Variants in SLCO1B1 observed in about 807,000 individuals in gnomAD.
SLCO1B1 encodes the protein solute carrier organic anion transporter family member 1B1, also known as OATP-2.
In SLCO1B1, 81 loss-of-function variants were observed where a neutral mutation model predicts 70.1. The ratio of observed to expected loss-of-function variants is 1.16; its 90% CI spans 0.97 to 1.39. The LOEUF (loss-of-function observed/expected upper bound fraction) is 1.39, where lower values mean the gene tolerates loss of function less well. Among genes scored for constraint, SLCO1B1 ranks in the 40% most tolerant of loss-of-function variants. The pLI is 0.00. For synonymous variants in SLCO1B1, 283 were observed against 271.5 expected, an observed-to-expected ratio of 1.04 and a Z score of -0.42; for missense variants, 895 against 799.6, an observed-to-expected ratio of 1.12 and a Z score of -1.44.
intron 7 of SLCO1B1, among the ~76,000 whole-genome samples, chr12:21,180,799 G>A (rs1261612140): frequency 6.6e-6 from 1 of 152,122 alleles, no homozygotes; most frequent in Non-Finnish European, 1.5e-5. Flanking sequence ...ATCACGAAGA[G>A]TACAGAAATA....
intron 1 of SLCO1B1, among the ~76,000 whole-genome samples, chr12:21,139,928 G>A (rs1940283819): frequency 7.2e-6 from 1 of 138,058 alleles, no homozygotes; most frequent in Admixed American, 7.8e-5. Context: ...GTGCACAAGA[G>A]TATCTGAGGG....
At chr12:21,135,520 G>T (rs1406981397) in intron 1 of SLCO1B1, among the ~76,000 whole-genome samples, 1 of 152,168 alleles carries the variant, frequency 6.6e-6, no homozygotes, top group Admixed American at 6.5e-5. Context: ...GGGTGCTCCT[G>T]TATTGGGTGC....
intron 7 of SLCO1B1, among the ~76,000 whole-genome samples, chr12:21,189,172 T>A (rs1940997738): frequency 6.6e-6 from 1 of 152,184 alleles, no homozygotes; most frequent in African/African-American, 2.4e-5. Context: ...GTATTTAATT[T>A]TTGAGGAATC....
intron 7 of SLCO1B1, among the ~76,000 whole-genome samples, chr12:21,182,473 G>A (rs914060532): frequency 1.3e-5 from 2 of 152,160 alleles, no homozygotes; most frequent in African/African-American, 2.4e-5. Context: ...ACTTCTGAGC[G>A]AAGAGACAGC....
intron 1 of SLCO1B1, among the ~76,000 whole-genome samples, chr12:21,138,201 C>T (rs2121032505): frequency 6.6e-6 from 1 of 152,274 alleles, no homozygotes; most frequent in South Asian, 2.1e-4. Context: ...AATTGGGTCA[C>T]TTTGCCTAAA....
chr12:21,152,967 C>G (rs904803004), intron 2 of SLCO1B1, among the ~76,000 whole-genome samples: 1 of 152,176 alleles, frequency 6.6e-6, no homozygotes, highest in African/African-American at 2.4e-5. Flanking sequence ...TCAGACTTAA[C>G]CACACTGAGT....
In SLCO1B1 at chr12:21,179,081, A is replaced by G. The variant is rs1591810712; in HGVS notation, c.727+61A>G. The stretch of plus-strand genomic sequence containing the variant: ...CTTTCTAAGCACACATGCGAAAAAC[A>G]TTTTTTCAAATAACTGAATTCACTC... On this transcript the variant is annotated intron_variant, in intron 7 of 14. Coordinates refer to ENST00000256958, the MANE Select transcript of SLCO1B1 (RefSeq NM_006446.5). The G allele has an allele frequency of 3.0e-6, 3 of 1,003,382 alleles. No individual in the cohort carries two copies. In the East Asian group the frequency reaches 7.1e-5, roughly 24 times the overall value. The allele number at this position is 1,003,382 out of a possible 1,614,324, so 62.2% of individuals were successfully genotyped here. A position where few individuals can be genotyped will look rare whatever the true frequency, so the allele number is the denominator to read the frequency against.
chr12:21,185,762 A>G (rs1409260188), intron 7 of SLCO1B1, among the ~76,000 whole-genome samples: 5 of 152,116 alleles, frequency 3.3e-5, no homozygotes, highest in African/African-American at 1.2e-4. Context: ...CAAAATGTAT[A>G]CAAAAGATAA....
At chr12:21,188,491 A>ATGGATCTG (rs1940988193) in intron 7 of SLCO1B1, among the ~76,000 whole-genome samples, 1 of 152,298 alleles carries the variant, frequency 6.6e-6, no homozygotes, top group African/African-American at 2.4e-5. Flanking sequence ...TCTGATCAAC[A>ATGGATCTG]GTAGCTGGTA....
chr12:21,188,522 G>A (rs990680959), intron 7 of SLCO1B1, among the ~76,000 whole-genome samples: 4 of 152,014 alleles, frequency 2.6e-5, no homozygotes, highest in Admixed American at 6.6e-5. Context: ...CTGTGTTCCC[G>A]CCAAAGTCAT....
chr12:21,197,018 T>C lies in SLCO1B1; in HGVS notation c.800T>C (p.Leu267Pro). The C allele has an allele frequency of 6.2e-7, 1 of 1,613,792 alleles. No homozygotes were observed. Among genetic ancestry groups the C allele is most frequent in the Non-Finnish European group, 8.5e-7 (1 of 1,179,722 alleles). ...AWWLNFLVSGLFSIISSIPFF... is the reference protein window; with the variant it reads ...AWWLNFLVSGPFSIISSIPFF... ...TGGCTTAATTTCCTTGTGTCTGGAC[T>C]ATTCTCCATTATTTCTTCCATACCA... Residue 267 changes from leucine to proline, a missense_variant, in exon 8 of 15, where the codon CTA (leucine) becomes CCA (proline). Transcript: ENST00000256958.
chr12:21,160,801 T>G (rs2121077224), intron 2 of SLCO1B1, among the ~76,000 whole-genome samples: 1 of 151,738 alleles, frequency 6.6e-6, no homozygotes, highest in African/African-American at 2.4e-5. Context: ...TATAAGAAAC[T>G]TAAATTTACA....
chr12:21,183,319 C>G (rs1940928035), intron 7 of SLCO1B1, among the ~76,000 whole-genome samples: 1 of 152,182 alleles, frequency 6.6e-6, no homozygotes, highest in Non-Finnish European at 1.5e-5. Flanking sequence ...CCTCAGCCTT[C>G]TGAGTAGCTG....
intron 7 of SLCO1B1, among the ~76,000 whole-genome samples, chr12:21,179,334 A>C (rs1215877725): frequency 6.6e-6 from 1 of 152,174 alleles, no homozygotes; most frequent in Non-Finnish European, 1.5e-5. Context: ...TTTATTTTTC[A>C]GTTGATGGTG....
At chr12:21,132,106 G>T (rs945711484) in intron 1 of SLCO1B1, among the ~76,000 whole-genome samples, 3 of 152,108 alleles carry the variant, frequency 2.0e-5, no homozygotes, top group South Asian at 2.1e-4. Context: ...TTGTCCTTGC[G>T]ATAGTTTGTT....
At chr12:21,156,082 T>C (rs1313554460) in intron 2 of SLCO1B1, among the ~76,000 whole-genome samples, 1 of 152,110 alleles carries the variant, frequency 6.6e-6, no homozygotes, top group Admixed American at 6.6e-5. Flanking sequence ...AAGTATATAG[T>C]AATTGAAAAG....
intron 12 of SLCO1B1, among the ~76,000 whole-genome samples, 165 bp downstream of exon 12, chr12:21,217,468 T>C (rs1313677326): frequency 1.3e-5 from 2 of 152,200 alleles, no homozygotes; most frequent in African/African-American, 2.4e-5. Flanking sequence ...CTCAAGGCTG[T>C]AATTAATAAT....
At chr12:21,233,731 G>A (rs1941568655) in intron 14 of SLCO1B1, among the ~76,000 whole-genome samples, 1 of 152,132 alleles carries the variant, frequency 6.6e-6, no homozygotes, top group Admixed American at 6.5e-5. Flanking sequence ...ATCATTTCCA[G>A]GAACTATTTC....
intron 2 of SLCO1B1, among the ~76,000 whole-genome samples, chr12:21,167,336 G>A (rs1275858393): frequency 6.6e-6 from 1 of 152,166 alleles, no homozygotes; most frequent in Non-Finnish European, 1.5e-5. Context: ...TAGACAGTGA[G>A]AGAGGAATGG....
Sources: gnomAD v4.1 joint callset for allele counts (sites outside exome capture counted in the v4.1 genomes callset) on GRCh38, gnomAD v4.1.1 for gene constraint, MANE v1.5 for transcripts, NCBI Gene and HGNC (gene_info 2026-07-23, HGNC 2026-07-21) for gene names.